Variants in NRXN1 observed in about 807,000 individuals in gnomAD.
The protein encoded by NRXN1 is neurexin 1.
Under a neutral mutation model 150.9 loss-of-function variants are expected in NRXN1, and 39 were observed. That is an observed-to-expected ratio of 0.26 (90% CI 0.20 to 0.34). The LOEUF is 0.34. Among genes scored for constraint, NRXN1 ranks in the 10% least tolerant of loss-of-function variants. The pLI, the probability that NRXN1 is intolerant of heterozygous loss-of-function variation, is 1.00. For missense variants in NRXN1, 1,815 were observed against 1,949.9 expected, an observed-to-expected ratio of 0.93 and a Z score of 1.30; for synonymous variants, 924 against 757.0, an observed-to-expected ratio of 1.22 and a Z score of -3.62.
At chr2:50,265,871 C>A (rs1330599321) in intron 17 of NRXN1, among the ~76,000 whole-genome samples, 1 of 151,968 alleles carries the variant, frequency 6.6e-6, no homozygotes, top group African/African-American at 2.4e-5. Context: ...ATTCTTACAT[C>A]TTCAAATGCA....
intron 2 of NRXN1, among the ~76,000 whole-genome samples, chr2:50,990,147 C>T (rs956341647): frequency 5.3e-5 from 8 of 151,814 alleles, no homozygotes; most frequent in East Asian, 3.9e-4. Context: ...ATCTTTTTTA[C>T]ATTGTGTTCA....
intron 18 of NRXN1, among the ~76,000 whole-genome samples, chr2:50,100,771 A>T (rs1413643778): frequency 6.6e-6 from 1 of 152,120 alleles, no homozygotes; most frequent in East Asian, 1.9e-4. Context: ...CTGTATCTCC[A>T]TCCACTGAGA....
At chr2:50,197,335 T>C (rs901754448) in intron 18 of NRXN1, among the ~76,000 whole-genome samples, 14 of 152,136 alleles carry the variant, frequency 9.2e-5, no homozygotes, top group Non-Finnish European at 1.9e-4. Flanking sequence ...CATTAGCATA[T>C]CAATTGATCA....
intron 2 of NRXN1, among the ~76,000 whole-genome samples, chr2:50,933,949 T>G (rs1688148928): frequency 6.6e-6 from 1 of 152,154 alleles, no homozygotes; most frequent in African/African-American, 2.4e-5. Context: ...TCAAATTTGT[T>G]TAAACTGCTT....
chr2:50,598,576 GTGTA>G (rs1171538030), intron 8 of NRXN1, among the ~76,000 whole-genome samples: 10 of 148,644 alleles, frequency 6.7e-5, no homozygotes, highest in African/African-American at 2.2e-4. Context: ...GTGTGTGTGT[GTGTA>G]TATATATGTA....
At chr2:49,957,407 T>C (rs956426925) in intron 21 of NRXN1, among the ~76,000 whole-genome samples, 5 of 152,146 alleles carry the variant, frequency 3.3e-5, no homozygotes, top group African/African-American at 1.2e-4. Flanking sequence ...CTTGTAGACA[T>C]TTTCACATTA....
At position 50,893,394 on chromosome 2, in the gene NRXN1, G is replaced by T. The variant is rs113441335; in HGVS notation, c.832+28475C>A. Among the ~76,000 whole-genome samples, 399 of 152,210 alleles carry T rather than the reference G, an allele frequency of 2.6e-3. 2 individuals are homozygous for T. The highest frequency in any genetic ancestry group is 9.3e-3 in the African/African-American group (385 of 41,532). On this transcript the variant is annotated intron_variant, in intron 5 of 22. Transcript: ENST00000401669. ...GGGGCTTTCATATAATGAAACATTT[G>T]ACATTTGTGAATAATTTTTAATGAG...
chr2:50,933,673 C>T (rs1258706710), intron 2 of NRXN1, among the ~76,000 whole-genome samples: 2 of 152,074 alleles, frequency 1.3e-5, no homozygotes, highest in African/African-American at 4.8e-5. Context: ...GAGCCATGAT[C>T]TTGATTAATC....
Position 50,625,367 on chromosome 2 carries a change from T to C in NRXN1, c.833-1752A>G, listed in dbSNP as rs1372206220. Among the ~76,000 whole-genome samples the C allele has an allele frequency of 2.0e-5, 3 of 152,094 alleles. No individual in the cohort carries two copies. The East Asian group carries it at 5.8e-4, about 29-fold the overall frequency. On this transcript the variant is annotated intron_variant, in intron 5 of 22. Transcript: ENST00000401669. ...CCCTGGAATATTAGTCATTGACTAC[T>C]AGCAAATTATTAGCCAAGACTATCA...
intron 2 of NRXN1, among the ~76,000 whole-genome samples, chr2:50,944,015 T>C (rs1287483797): frequency 6.6e-6 from 1 of 152,182 alleles, no homozygotes; most frequent in African/African-American, 2.4e-5. Flanking sequence ...TCTGATAAAA[T>C]CAAAATTGGC....
intron 5 of NRXN1, among the ~76,000 whole-genome samples, chr2:50,647,356 T>C (rs1016691822): frequency 6.6e-6 from 1 of 151,864 alleles, no homozygotes; most frequent in African/African-American, 2.4e-5. Context: ...TCCCTTAACC[T>C]TCCAACACTA....
chr2:50,423,133 C>A (rs1170211999), intron 17 of NRXN1, among the ~76,000 whole-genome samples: 1 of 152,128 alleles, frequency 6.6e-6, no homozygotes, highest in African/African-American at 2.4e-5. Context: ...GAAACATATT[C>A]CTTTCCTGTC....
At chr2:50,868,155 ATATATATATATATATATATATAT>A (rs1677218422) in intron 5 of NRXN1, among the ~76,000 whole-genome samples, 1 of 64,298 alleles carries the variant, frequency 1.6e-5, no homozygotes, top group South Asian at 5.9e-4. Context: ...ATATATATAT[ATATATATATATATATATATATAT>A]ATATATATAT....
At chr2:50,500,900 G>T (rs1364148261) in intron 13 of NRXN1, among the ~76,000 whole-genome samples, 1 of 152,124 alleles carries the variant, frequency 6.6e-6, no homozygotes, top group African/African-American at 2.4e-5. Context: ...TGGTATATGT[G>T]TCCGGTGCTA....
At chr2:50,439,973 G>A (rs979447959) in intron 17 of NRXN1, among the ~76,000 whole-genome samples, 6 of 152,188 alleles carry the variant, frequency 3.9e-5, no homozygotes, top group African/African-American at 1.4e-4. Context: ...ATCAGAGCTA[G>A]TAAATTAGCA....
At position 50,684,029 on chromosome 2, in the gene NRXN1, A is replaced by C. The variant is rs373196509; in HGVS notation, c.833-60414T>G. Among the ~76,000 whole-genome samples the C allele has an allele frequency of 1.3e-4, 19 of 152,000 alleles. No individual in the cohort carries two copies. In the East Asian group the frequency reaches 3.7e-3, roughly 30 times the overall value. On this transcript the variant is annotated intron_variant, in intron 5 of 22. Transcript: ENST00000401669. ...CCATCTATGCATTTCATCTTTGGCA[A>C]TTTTCTGTTCTTTTAGTTAAGATAG...
chr2:50,060,725 C>T (rs1423623479), intron 19 of NRXN1, among the ~76,000 whole-genome samples: 1 of 152,166 alleles, frequency 6.6e-6, no homozygotes, highest in African/African-American at 2.4e-5. Flanking sequence ...CATGAGACCT[C>T]ATGGTTTTAT....
chr2:50,089,447 A>G (rs1257459535), intron 19 of NRXN1, among the ~76,000 whole-genome samples: 1 of 152,182 alleles, frequency 6.6e-6, no homozygotes, highest in Non-Finnish European at 1.5e-5. Flanking sequence ...AATTACCAAT[A>G]CACCTTTCTG....
rs902107858 is a variant in NRXN1, at chr2:50,121,219, C to T, written c.3547-29725G>A. Reference sequence around the variant, plus strand: ...TGTATTTTTAGTGGAGACCGGGTTTCGCCATGTTGGCCAGGCTGGTCTCGA... The same window carrying T: ...TGTATTTTTAGTGGAGACCGGGTTTTGCCATGTTGGCCAGGCTGGTCTCGA... On this transcript the variant is annotated intron_variant, in intron 18 of 22. Coordinates refer to ENST00000401669, the MANE Select transcript of NRXN1 (RefSeq NM_001330078.2). Among the ~76,000 whole-genome samples, 9 of 152,278 alleles carry T rather than the reference C, an allele frequency of 5.9e-5. No homozygotes were observed. In the South Asian group the frequency reaches 6.2e-4, roughly 11 times the overall value.
Sources: gnomAD v4.1 joint callset for allele counts (sites outside exome capture counted in the v4.1 genomes callset) on GRCh38, gnomAD v4.1.1 for gene constraint, MANE v1.5 for transcripts, NCBI Gene and HGNC (gene_info 2026-07-23, HGNC 2026-07-21) for gene names.